Variants in IFI44L observed in about 807,000 individuals in gnomAD.
IFI44L encodes the protein interferon-induced protein 44-like.
Under a neutral mutation model 39.3 loss-of-function variants are expected in IFI44L, and 40 were observed. The observed-to-expected ratio is 1.02, with a 90% CI of 0.79 to 1.33. IFI44L has a LOEUF of 1.33. Ranked by LOEUF, IFI44L falls within the 40% of genes most tolerant of loss-of-function variation. IFI44L has a pLI of 0.00. For synonymous variants in IFI44L, 198 were observed against 182.3 expected (o/e 1.09, Z -0.69); for missense variants, 623 against 549.0 (o/e 1.13, Z -1.35).
chr1:78,622,307 A>C (rs903443118), intron 1 of IFI44L, among the ~76,000 whole-genome samples: 5 of 152,072 alleles, frequency 3.3e-5, no homozygotes, highest in Non-Finnish European at 7.4e-5. Context: ...AATATACCAC[A>C]TTTTCTTTAT....
chr1:78,635,026 G>GTA (rs61477116), intron 4 of IFI44L, among the ~76,000 whole-genome samples: 5 of 148,164 alleles, frequency 3.4e-5, no homozygotes, highest in Non-Finnish European at 7.5e-5. Context: ...GTGTGTATGT[G>GTA]TATATATATA....
chr1:78,632,613 T>C (rs904175718), intron 4 of IFI44L, among the ~76,000 whole-genome samples: 1 of 152,198 alleles, frequency 6.6e-6, no homozygotes, highest in Non-Finnish European at 1.5e-5. Flanking sequence ...AAGTTATTAC[T>C]TGTTGAGCTT....
At chr1:78,623,367 T>G (rs1260065991) in intron 1 of IFI44L, among the ~76,000 whole-genome samples, 3 of 150,132 alleles carry the variant, frequency 2.0e-5, no homozygotes, top group Non-Finnish European at 3.0e-5. Context: ...TGAGGTAATT[T>G]CCTTCTACTC....
intron 4 of IFI44L, among the ~76,000 whole-genome samples, chr1:78,633,619 T>A (rs1267946020): frequency 6.6e-6 from 1 of 152,168 alleles, no homozygotes; most frequent in East Asian, 1.9e-4. Context: ...AAGATTGGAA[T>A]AAGTACCTAC....
In IFI44L at chr1:78,629,893, A is replaced by T. The variant is rs1476284243; in HGVS notation, c.701A>T (p.Asp234Val). The T allele has an allele frequency of 6.2e-7, 1 of 1,613,676 alleles. No individual in the cohort carries two copies. Among genetic ancestry groups the T allele is most frequent in the Non-Finnish European group, 8.5e-7 (1 of 1,179,732 alleles). Residue 234 changes from aspartate to valine, a missense_variant, in exon 4 of 9, where the codon GAT becomes GTT. Coordinates refer to ENST00000370751, the MANE Select transcript of IFI44L (RefSeq NM_006820.4). ...ACTGGCCAAGCCGTAGTGGGGTCTG[A>T]TATCACCAGCATAACCGAGCGGGTA... ...HVTGQAVVGS[D>V]ITSITERYRI...
rs770941163 is a variant in IFI44L, at chr1:78,629,850, A to G, written c.658A>G (p.Ile220Val). The change falls in exon 4 of 9, where the codon ATT (isoleucine) becomes GTT (valine). Residue 220 changes from isoleucine to valine, a missense_variant. Ile to Val is a conservative substitution (Grantham distance 29, BLOSUM62 3). Transcript: ENST00000370751. ...CAGTTTTTTCAATTCAGTCAAGTCT[A>G]TTTTTCATGGCCATGTGACTGGCCA... ...KSSFFNSVKS[I>V]FHGHVTGQAV... 3.1e-6 allele frequency: 5 copies of G among 1,613,610 alleles called. No homozygotes were observed. The highest frequency in any genetic ancestry group is 2.2e-5 in the East Asian group (1 of 44,850).
In IFI44L at chr1:78,643,306, G is replaced by A. The variant is rs1557693045; in HGVS notation, c.*1497G>A. 3 of 152,046 alleles carry A rather than the reference G, an allele frequency of 2.0e-5. No homozygotes were observed. Among genetic ancestry groups the A allele is most frequent in the Admixed American group, 2.0e-4 (3 of 15,260 alleles). 9.4% of individuals were successfully genotyped at this position (152,046 alleles called of 1,614,324 possible). ...AGAACCATGGAAATTGAGGAGGTAG[G>A]CCTACAAGTAGATATTGGGAACAAA... On this transcript the variant is annotated 3_prime_UTR_variant, in exon 9 of 9. Coordinates refer to ENST00000370751, the MANE Select transcript of IFI44L (RefSeq NM_006820.4).
At chr1:78,631,427 T>C (rs1249785844) in intron 4 of IFI44L, 2 of 152,198 alleles carry the variant, frequency 1.3e-5, no homozygotes, top group Admixed American at 6.5e-5. Flanking sequence ...TGAGAGCTTT[T>C]GATTTTATTA....
chr1:78,635,212 T>G, intron 4 of IFI44L, 125 bp from the exon 5 acceptor site: 1 of 679,336 alleles, frequency 1.5e-6, no homozygotes. Context: ...TCTAAAGGGG[T>G]CCTGAGACCA....
intron 6 of IFI44L, 101 bp from the exon 7 acceptor site, chr1:78,640,920 T>C (rs549439754): frequency 1.3e-6 from 1 of 742,284 alleles, no homozygotes; most frequent in Non-Finnish European, 2.3e-6. Context: ...ATTCTTCAGC[T>C]CTCAAAATCA....
At position 78,641,446 on chromosome 1, in the gene IFI44L, CCATAAAATG is replaced by C; in HGVS notation, c.1163_1171del (p.His388_Met390del). On this transcript the variant is annotated inframe_deletion, in exon 8 of 9. Transcript: ENST00000370751. ...TATACTTTCCACAGGTCATGAATGT[CCATAAAATG>C]CTAGGCATTCCTATTTCCAATATTT... The C allele has an allele frequency of 1.2e-6, 2 of 1,613,182 alleles. No individual in the cohort carries two copies. Among genetic ancestry groups the C allele is most frequent in the Non-Finnish European group, 1.7e-6 (2 of 1,179,386 alleles).
At chr1:78,624,131 A>G (rs1038011735) in intron 1 of IFI44L, among the ~76,000 whole-genome samples, 1 of 152,028 alleles carries the variant, frequency 6.6e-6, no homozygotes, top group Non-Finnish European at 1.5e-5. Flanking sequence ...AGCTGGGACT[A>G]CAGGTGCACA....
intron 4 of IFI44L, among the ~76,000 whole-genome samples, chr1:78,633,152 AC>A (rs1047080591): frequency 6.6e-6 from 1 of 151,978 alleles, no homozygotes; most frequent in Admixed American, 6.6e-5. Flanking sequence ...TATCTGCATC[AC>A]CCCCCTCAAC....
intron 1 of IFI44L, among the ~76,000 whole-genome samples, chr1:78,621,624 A>G (rs1226616351): frequency 1.3e-5 from 2 of 151,732 alleles, no homozygotes; most frequent in Non-Finnish European, 2.9e-5. Flanking sequence ...CATTATCTAG[A>G]CTTTGGTATA....
chr1:78,628,551 G>C (rs759023278), intron 2 of IFI44L, 158 bp downstream of exon 2: 79 of 599,888 alleles, frequency 1.3e-4, no homozygotes, highest in Non-Finnish European at 1.8e-4. Context: ...GGGAACATAA[G>C]GATTATGAGG....
In IFI44L at chr1:78,637,058, T is replaced by C. The variant is rs756631295; in HGVS notation, c.903T>C (p.Pro301=). 1.2e-6 allele frequency: 2 copies of C among 1,612,048 alleles called. No individual in the cohort carries two copies. Among genetic ancestry groups the C allele is most frequent in the South Asian group, 1.1e-5 (1 of 90,996 alleles). Residue 301 remains proline (P), a synonymous_variant, in exon 6 of 9, where the codon CCT becomes CCC. Coordinates refer to ENST00000370751, the MANE Select transcript of IFI44L (RefSeq NM_006820.4). ...YQFNSRKPIT[P]EHSTFITSPS... ...TTAATTCCCGTAAACCAATTACACC[T>C]GAGCATTCTACTTTTATCACCTCTC...
At position 78,642,000 on chromosome 1, in the gene IFI44L, C is replaced by T. The variant is rs139538967; in HGVS notation, c.*191C>T. On this transcript the variant is annotated 3_prime_UTR_variant, in exon 9 of 9. Coordinates refer to ENST00000370751, the MANE Select transcript of IFI44L (RefSeq NM_006820.4). ...GGGCTAAGATAGGTCCTACTGCAAACCACCCCTCCATATTTCCGTACCATT... is the reference window on the plus strand; with the variant it reads ...GGGCTAAGATAGGTCCTACTGCAAATCACCCCTCCATATTTCCGTACCATT... The T allele has an allele frequency of 1.4e-3, 870 of 642,016 alleles. 6 individuals are homozygous for T. The African/African-American group carries it at 0.014, about 11-fold the overall frequency. The allele number at this position is 642,016 out of a possible 1,614,324, so 39.8% of individuals were successfully genotyped here.
rs1362434090 is a variant in IFI44L, at chr1:78,641,919, T to A, written c.*110T>A. 3 of 1,239,778 alleles carry A rather than the reference T, an allele frequency of 2.4e-6. No individual in the cohort carries two copies. The highest frequency in any genetic ancestry group is 3.6e-6 in the Non-Finnish European group (3 of 839,498). 76.8% of individuals were successfully genotyped at this position (1,239,778 alleles called of 1,614,324 possible). A position where few individuals can be genotyped will look rare whatever the true frequency, so the allele number is the denominator to read the frequency against. On this transcript the variant is annotated 3_prime_UTR_variant, in exon 9 of 9. Transcript: ENST00000370751. ...AGATTTTGCTTTTGTTCGTTTTGCC[T>A]TCTGTCCTTGGAACAGTCATATCTC...
intron 5 of IFI44L, among the ~76,000 whole-genome samples, chr1:78,636,243 G>C (rs1323560081): frequency 6.6e-6 from 1 of 152,014 alleles, no homozygotes; most frequent in Non-Finnish European, 1.5e-5. Context: ...CTCTAAGCCA[G>C]TTACTGAAAA....
Sources: gnomAD v4.1 joint callset for allele counts (sites outside exome capture counted in the v4.1 genomes callset) on GRCh38, gnomAD v4.1.1 for gene constraint, MANE v1.5 for transcripts, NCBI Gene and HGNC (gene_info 2026-07-23, HGNC 2026-07-21) for gene names.